The following GNA14 variants were observed in gnomAD, a reference collection of about 807,000 sequenced individuals.
The protein encoded by GNA14 is G protein subunit alpha 14.
In GNA14, 50 loss-of-function variants were observed where a neutral mutation model predicts 42.0. That is an observed-to-expected ratio of 1.19 (90% CI 0.95 to 1.51). GNA14 has a LOEUF of 1.51. GNA14 is among the 40% of genes most tolerant of loss of function. The pLI, the probability that GNA14 is intolerant of heterozygous loss-of-function variation, is 0.00. For missense variants in GNA14, 473 were observed against 446.2 expected (o/e 1.06, Z -0.54); for synonymous variants, 173 against 163.1 (o/e 1.06, Z -0.46).
chr9:77,492,024 T>C (rs1275777817), intron 2 of GNA14, among the ~76,000 whole-genome samples: 1 of 152,084 alleles, frequency 6.6e-6, no homozygotes, highest in African/African-American at 2.4e-5. Flanking sequence ...AATCCACAAA[T>C]ATTTGGATAT....
intron 2 of GNA14, among the ~76,000 whole-genome samples, chr9:77,478,946 G>A (rs1170192691): frequency 6.6e-6 from 1 of 152,112 alleles, no homozygotes; most frequent in South Asian, 2.1e-4. Context: ...CAGATGAGTA[G>A]GTTGAGAAAA....
chr9:77,428,839 C>A, intron 5 of GNA14, 68 bp downstream of exon 5: 6 of 1,528,404 alleles, frequency 3.9e-6, no homozygotes, highest in Non-Finnish European at 5.4e-6. Flanking sequence ...CCTGACCCGG[C>A]TGCCTTCTTA....
intron 2 of GNA14, among the ~76,000 whole-genome samples, chr9:77,512,683 C>A (rs555468357): frequency 6.6e-6 from 1 of 152,284 alleles, no homozygotes; most frequent in East Asian, 1.9e-4. Flanking sequence ...TACCTCACTT[C>A]TCTCATGCCT....
Position 77,428,906 on chromosome 9 carries a change from C to A in GNA14, c.723+1G>T. 1 of 1,613,288 alleles carries A rather than the reference C, an allele frequency of 6.2e-7. No individual in the cohort carries two copies. Among genetic ancestry groups the A allele is most frequent in the Non-Finnish European group, 8.5e-7 (1 of 1,179,608 alleles). On this transcript the variant is annotated splice_donor_variant, in intron 5 of 6. Coordinates refer to ENST00000341700, the MANE Select transcript of GNA14 (RefSeq NM_004297.4). LOFTEE classifies it high-confidence loss of function. ...CTACCCAAACTTCCCGCCCAGCATA[C>A]CTCGTTGTCACACTCAGCCAGGACC...
chr9:77,532,219 G>A (rs1011159935), intron 1 of GNA14, among the ~76,000 whole-genome samples: 1 of 152,138 alleles, frequency 6.6e-6, no homozygotes, highest in African/African-American at 2.4e-5. Context: ...CCAAATGCAG[G>A]TTTATGTTGG....
chr9:77,578,021 A>T (rs1823155723), intron 1 of GNA14, among the ~76,000 whole-genome samples: 1 of 152,136 alleles, frequency 6.6e-6, no homozygotes, highest in South Asian at 2.1e-4. Flanking sequence ...TAATACTAGC[A>T]CCTTGGGAGG....
At chr9:77,453,564 G>C (rs1835950119) in intron 2 of GNA14, among the ~76,000 whole-genome samples, 1 of 152,184 alleles carries the variant, frequency 6.6e-6, no homozygotes, top group Non-Finnish European at 1.5e-5. Flanking sequence ...AACAGTTCAT[G>C]AAAATGTGTA....
At chr9:77,556,627 C>T (rs900778523) in intron 1 of GNA14, among the ~76,000 whole-genome samples, 1 of 152,182 alleles carries the variant, frequency 6.6e-6, no homozygotes, top group African/African-American at 2.4e-5. Flanking sequence ...CAACTGTGTG[C>T]TCAGAGTTCT....
At chr9:77,602,901 T>C (rs1456865878) in intron 1 of GNA14, among the ~76,000 whole-genome samples, 1 of 152,210 alleles carries the variant, frequency 6.6e-6, no homozygotes, top group Admixed American at 6.5e-5. Flanking sequence ...GGACCCTACA[T>C]TTTCATTTTG....
intron 3 of GNA14, 187 bp from the exon 4 acceptor site, chr9:77,431,636 A>C (rs972647390): frequency 1.9e-6 from 1 of 522,800 alleles, no homozygotes; most frequent in Non-Finnish European, 3.4e-6. Context: ...TTTGAAGACA[A>C]TATGGGTCAG....
intron 1 of GNA14, among the ~76,000 whole-genome samples, chr9:77,553,851 G>C (rs1304677091): frequency 6.6e-6 from 1 of 152,082 alleles, no homozygotes; most frequent in East Asian, 1.9e-4. Flanking sequence ...ATCACAGTGT[G>C]ATCCACAATA....
intron 2 of GNA14, among the ~76,000 whole-genome samples, chr9:77,528,382 T>G (rs1837474990): frequency 6.6e-6 from 1 of 152,186 alleles, no homozygotes; most frequent in Non-Finnish European, 1.5e-5. Context: ...AGACATAGTA[T>G]TATTCTCCTC....
intron 1 of GNA14, among the ~76,000 whole-genome samples, chr9:77,591,332 T>C (rs548270711): frequency 6.6e-6 from 1 of 152,328 alleles, no homozygotes; most frequent in South Asian, 2.1e-4. Context: ...CCACAAATCT[T>C]TGAGTATCTG....
In GNA14 at chr9:77,428,989, T is replaced by C. The variant is rs769434387; in HGVS notation, c.641A>G (p.His214Arg). ...AATGGAGGTGACACTCTCAAAGCAG[T>C]GAATCCACTTCCGTCTTTCCGATCG... ...GQRSERRKWI[H>R]CFESVTSIIF... Residue 214 changes from histidine (H) to arginine (R), a missense_variant, in exon 5 of 7, where the codon CAC becomes CGC. By Grantham distance (29) the His-to-Arg change is conservative. Coordinates refer to ENST00000341700, the MANE Select transcript of GNA14 (RefSeq NM_004297.4). 1 of 1,613,776 alleles carries C rather than the reference T, an allele frequency of 6.2e-7. No individual in the cohort carries two copies. Among genetic ancestry groups the C allele is most frequent in the South Asian group, 1.1e-5 (1 of 91,072 alleles).
chr9:77,647,000 G>T (rs1824365472), intron 1 of GNA14, among the ~76,000 whole-genome samples: 1 of 152,182 alleles, frequency 6.6e-6, no homozygotes, highest in Non-Finnish European at 1.5e-5. Flanking sequence ...GTTTGGGTCC[G>T]CTGCAAACAC....
chr9:77,450,429 A>G (rs1004323104), intron 2 of GNA14, among the ~76,000 whole-genome samples: 1 of 152,156 alleles, frequency 6.6e-6, no homozygotes, highest in African/African-American at 2.4e-5. Context: ...GCCGCATCAA[A>G]GGAATGAAGA....
chr9:77,587,807 A>G (rs1823328797), intron 1 of GNA14, among the ~76,000 whole-genome samples: 1 of 152,224 alleles, frequency 6.6e-6, no homozygotes, highest in African/African-American at 2.4e-5. Context: ...ATTGAAACAC[A>G]TGCACACAAG....
chr9:77,586,476 T>C (rs959130745), intron 1 of GNA14, among the ~76,000 whole-genome samples: 2 of 152,170 alleles, frequency 1.3e-5, no homozygotes, highest in African/African-American at 4.8e-5. Context: ...TAAAGTGGCA[T>C]AGTTGTCTGG....
chr9:77,645,003 T>C (rs1824331577), intron 1 of GNA14, among the ~76,000 whole-genome samples: 1 of 152,242 alleles, frequency 6.6e-6, no homozygotes, highest in African/African-American at 2.4e-5. Flanking sequence ...GATGAGAAAG[T>C]GTCACACCAA....
Sources: allele counts gnomAD v4.1 joint callset (sites outside exome capture counted in the v4.1 genomes callset), GRCh38; gene constraint gnomAD v4.1.1; transcripts MANE v1.5; gene names NCBI Gene and HGNC (gene_info 2026-07-23, HGNC 2026-07-21).